TMTC2: variants seen among roughly 807,000 people sequenced by gnomAD.
TMTC2 encodes protein O-mannosyl-transferase TMTC2.
In TMTC2, 43 loss-of-function variants were observed where a neutral mutation model predicts 82.4. The ratio of observed to expected loss-of-function variants is 0.52; its 90% CI spans 0.41 to 0.67. The LOEUF is 0.67. Ranked by LOEUF, TMTC2 falls within the 30% of genes least tolerant of loss-of-function variation. The pLI is 0.00. For synonymous variants in TMTC2, 408 were observed against 381.9 expected, an observed-to-expected ratio of 1.07 and a Z score of -0.80; for missense variants, 919 against 1,012.4, an observed-to-expected ratio of 0.91 and a Z score of 1.25.
At position 83,132,464 on chromosome 12, in the gene TMTC2, C is replaced by A; in HGVS notation, c.*75C>A. ...TAGCAGACAGAACTTCCCAGCAGTG[C>A]TATGACAAGAGCTGGTGTTAGACTT... On this transcript the variant is annotated 3_prime_UTR_variant, in exon 12 of 12. Transcript: ENST00000321196. 1 of 1,521,974 alleles carries A rather than the reference C, an allele frequency of 6.6e-7. No individual in the cohort carries two copies. Among genetic ancestry groups the A allele is most frequent in the African/African-American group, 1.4e-5 (1 of 71,852 alleles). The allele number at this position is 1,521,974 out of a possible 1,614,324, so 94.3% of individuals were successfully genotyped here. A position where few individuals can be genotyped will look rare whatever the true frequency, so the allele number is the denominator to read the frequency against.
chr12:82,808,123 C>T (rs1355677944), intron 1 of TMTC2, among the ~76,000 whole-genome samples: 1 of 151,786 alleles, frequency 6.6e-6, no homozygotes, highest in Admixed American at 6.6e-5. Flanking sequence ...GGCTGCATCT[C>T]TGGGGATTAA....
chr12:82,800,810 T>C (rs1233785924), intron 1 of TMTC2, among the ~76,000 whole-genome samples: 1 of 152,152 alleles, frequency 6.6e-6, no homozygotes, highest in Non-Finnish European at 1.5e-5. Flanking sequence ...ACATTTTTCC[T>C]GTTAGCATTT....
chr12:82,995,510 C>T (rs1396698605), intron 8 of TMTC2, among the ~76,000 whole-genome samples: 1 of 152,118 alleles, frequency 6.6e-6, no homozygotes, highest in Non-Finnish European at 1.5e-5. Context: ...ATTTGAGGCT[C>T]ATGAGGCTCA....
chr12:82,936,833 A>G (rs930276501), intron 4 of TMTC2, among the ~76,000 whole-genome samples: 2 of 152,120 alleles, frequency 1.3e-5, no homozygotes, highest in Non-Finnish European at 2.9e-5. Context: ...GGGTAGTGAC[A>G]TTTTCTTATT....
intron 11 of TMTC2, among the ~76,000 whole-genome samples, chr12:83,109,643 C>T (rs1315062375): frequency 1.3e-5 from 2 of 152,186 alleles, no homozygotes; most frequent in East Asian, 1.9e-4. Flanking sequence ...CTATGGAAAT[C>T]ACCAGTGTTT....
chr12:82,787,472 C>CT (rs1565750262), intron 1 of TMTC2, among the ~76,000 whole-genome samples: 1 of 152,074 alleles, frequency 6.6e-6, no homozygotes, highest in Admixed American at 6.5e-5. Context: ...GTTTGCTAAA[C>CT]TTTTTCAGAC....
Position 82,965,753 on chromosome 12 carries a change from A to C in TMTC2, c.1869+9A>C. 6.2e-7 allele frequency: 1 copy of C among 1,613,368 alleles called. No homozygotes were observed. Among genetic ancestry groups the C allele is most frequent in the Non-Finnish European group, 8.5e-7 (1 of 1,179,756 alleles). Reference sequence around the variant, plus strand: ...AGCAGGGACACTATGAGGTCTGGCCAATGCCTCTCTGTCCTTTTCCCTCCC... The same window carrying C: ...AGCAGGGACACTATGAGGTCTGGCCCATGCCTCTCTGTCCTTTTCCCTCCC... On this transcript the variant is annotated intron_variant, in intron 6 of 11. Transcript: ENST00000321196.
At chr12:82,724,372 A>C (rs1332275652) in intron 1 of TMTC2, among the ~76,000 whole-genome samples, 2 of 151,928 alleles carry the variant, frequency 1.3e-5, no homozygotes, top group Non-Finnish European at 2.9e-5. Context: ...TATATGTATA[A>C]CCCCCCGTGT....
intron 10 of TMTC2, among the ~76,000 whole-genome samples, 186 bp downstream of exon 10, chr12:83,051,204 C>G: frequency 6.6e-6 from 1 of 152,136 alleles, no homozygotes; most frequent in Middle Eastern, 3.4e-3. Flanking sequence ...CGGTGGCCCA[C>G]GGGCCACATG....
intron 1 of TMTC2, among the ~76,000 whole-genome samples, chr12:82,783,928 T>G (rs1878036367): frequency 6.6e-6 from 1 of 152,076 alleles, no homozygotes; most frequent in Admixed American, 6.6e-5. Flanking sequence ...TGTCCAAGAT[T>G]GTGATACATG....
chr12:82,927,025 G>C (rs1042996384), intron 3 of TMTC2, among the ~76,000 whole-genome samples: 1 of 152,270 alleles, frequency 6.6e-6, no homozygotes, highest in South Asian at 2.1e-4. Flanking sequence ...TTGTTCTGTA[G>C]CCCATGGATC....
intron 8 of TMTC2, among the ~76,000 whole-genome samples, chr12:82,988,633 C>T (rs943679739): frequency 6.6e-6 from 1 of 151,748 alleles, no homozygotes; most frequent in Admixed American, 6.6e-5. Context: ...GTACTCAGAT[C>T]CTTAATACCC....
At chr12:82,738,589 G>T (rs1010569723) in intron 1 of TMTC2, among the ~76,000 whole-genome samples, 23 of 152,112 alleles carry the variant, frequency 1.5e-4, no homozygotes, top group Admixed American at 4.6e-4. Context: ...ATGAGGTTAA[G>T]AACAGGAAAT....
At chr12:82,832,611 G>A (rs1170620178) in intron 1 of TMTC2, among the ~76,000 whole-genome samples, 1 of 152,092 alleles carries the variant, frequency 6.6e-6, no homozygotes, top group African/African-American at 2.4e-5. Flanking sequence ...CAGTGGTGAC[G>A]TTTTATTAAA....
At chr12:82,927,225 A>G (rs895893729) in intron 3 of TMTC2, among the ~76,000 whole-genome samples, 1 of 152,214 alleles carries the variant, frequency 6.6e-6, no homozygotes, top group Non-Finnish European at 1.5e-5. Context: ...CAGAATATCA[A>G]CATTAGCAGG....
intron 1 of TMTC2, among the ~76,000 whole-genome samples, chr12:82,807,313 C>T (rs755408567): frequency 1.2e-4 from 19 of 152,170 alleles, no homozygotes; most frequent in Admixed American, 5.9e-4. Flanking sequence ...GAGAGGCAGA[C>T]AGCTTAAACC....
intron 1 of TMTC2, among the ~76,000 whole-genome samples, chr12:82,854,280 T>C (rs932650145): frequency 1.3e-5 from 2 of 152,230 alleles, no homozygotes; most frequent in South Asian, 4.1e-4. Flanking sequence ...TTATTTCTCA[T>C]ACTGAAGAAA....
intron 1 of TMTC2, among the ~76,000 whole-genome samples, chr12:82,771,554 C>A (rs916754120): frequency 1.3e-5 from 2 of 151,774 alleles, no homozygotes; most frequent in Admixed American, 6.6e-5. Flanking sequence ...GATTTGGTAC[C>A]CTTGCTTTCA....
At position 82,727,414 on chromosome 12, in the gene TMTC2, G is replaced by C. The variant is rs75997840; in HGVS notation, c.83+39745G>C. Among the ~76,000 whole-genome samples, 3 of 152,090 alleles carry C rather than the reference G, an allele frequency of 2.0e-5. No homozygotes were observed. The East Asian group carries it at 5.8e-4, about 29-fold the overall frequency. On this transcript the variant is annotated intron_variant, in intron 1 of 11. Coordinates refer to ENST00000321196, the MANE Select transcript of TMTC2 (RefSeq NM_152588.3). ...CCTGACCCCTGACTGGAAAGGTTGG[G>C]ATCATTCCCAAGACTAGAGGATTCA...
Sources: allele counts gnomAD v4.1 joint callset (sites outside exome capture counted in the v4.1 genomes callset), GRCh38; gene constraint gnomAD v4.1.1; transcripts MANE v1.5; gene names NCBI Gene and HGNC (gene_info 2026-07-23, HGNC 2026-07-21).